CNTN5: variants seen among roughly 807,000 people sequenced by gnomAD.
CNTN5 encodes the protein contactin-5.
A neutral mutation model predicts 129.1 loss-of-function variants in CNTN5; 77 were observed. The ratio of observed to expected loss-of-function variants is 0.60; its 90% CI spans 0.50 to 0.72. The LOEUF (loss-of-function observed/expected upper bound fraction) is 0.72. Ranked by LOEUF, CNTN5 falls within the 30% of genes least tolerant of loss-of-function variation. The pLI, the probability that CNTN5 is intolerant of heterozygous loss-of-function variation, is 0.00. For missense variants in CNTN5, 1,478 were observed against 1,328.8 expected (o/e 1.11, Z -1.75); for synonymous variants, 509 against 465.6 (o/e 1.09, Z -1.20).
chr11:100,185,523 T>G (rs1948273330), intron 13 of CNTN5, among the ~76,000 whole-genome samples: 1 of 152,082 alleles, frequency 6.6e-6, no homozygotes, highest in South Asian at 2.1e-4. Flanking sequence ...AAGTACACAA[T>G]ACATTAAGGG....
chr11:100,338,037 G>C (rs1233924643), intron 21 of CNTN5, among the ~76,000 whole-genome samples: 1 of 152,052 alleles, frequency 6.6e-6, no homozygotes, highest in Admixed American at 6.6e-5. Flanking sequence ...CCAATAACAC[G>C]CTCCATATAA....
intron 2 of CNTN5, among the ~76,000 whole-genome samples, chr11:99,421,990 G>A (rs992379543): frequency 1.4e-4 from 21 of 152,248 alleles, no homozygotes; most frequent in South Asian, 4.1e-4. Context: ...GTCTATTCAG[G>A]TGTGTTCAAT....
At chr11:99,399,590 G>C (rs1272748770) in intron 2 of CNTN5, among the ~76,000 whole-genome samples, 2 of 111,152 alleles carry the variant, frequency 1.8e-5, no homozygotes, top group African/African-American at 6.8e-5. Flanking sequence ...ATATGCAATG[G>C]TATATAAGGC....
intron 2 of CNTN5, among the ~76,000 whole-genome samples, chr11:99,519,350 TCC>T (rs1947184623): frequency 2.0e-5 from 3 of 152,090 alleles, no homozygotes; most frequent in Non-Finnish European, 4.4e-5. Flanking sequence ...CATGCTGCTA[TCC>T]TTACAGTTTG....
intron 2 of CNTN5, among the ~76,000 whole-genome samples, chr11:99,481,102 TAAA>T (rs1043295082): frequency 6.7e-6 from 1 of 149,870 alleles, no homozygotes; most frequent in African/African-American, 2.4e-5. Context: ...GATTGGCATT[TAAA>T]AAAAAAAGAA....
At chr11:99,635,508 C>T (rs780453715) in intron 3 of CNTN5, among the ~76,000 whole-genome samples, 2 of 151,922 alleles carry the variant, frequency 1.3e-5, no homozygotes, top group Non-Finnish European at 2.9e-5. Flanking sequence ...ATTGAGCCTA[C>T]TACATATGAC....
At chr11:99,225,657 G>A (rs1029519352) in intron 1 of CNTN5, among the ~76,000 whole-genome samples, 2 of 152,100 alleles carry the variant, frequency 1.3e-5, no homozygotes, top group African/African-American at 4.8e-5. Flanking sequence ...ATCATACAGT[G>A]TTGATGTGGT....
intron 2 of CNTN5, among the ~76,000 whole-genome samples, chr11:99,349,809 A>G (rs1938163223): frequency 1.3e-5 from 2 of 152,206 alleles, no homozygotes; most frequent in Non-Finnish European, 2.9e-5. Flanking sequence ...TGATAAAACA[A>G]GGATACATCT....
chr11:99,798,618 G>T (rs1946021777), intron 3 of CNTN5, among the ~76,000 whole-genome samples: 1 of 152,058 alleles, frequency 6.6e-6, no homozygotes, highest in South Asian at 2.1e-4. Flanking sequence ...CTGTTCCATT[G>T]ATTTGTGTGT....
intron 15 of CNTN5, among the ~76,000 whole-genome samples, chr11:100,222,791 A>G (rs1177965659): frequency 6.6e-6 from 1 of 152,090 alleles, no homozygotes; most frequent in African/African-American, 2.4e-5. Context: ...CATAGGTCCT[A>G]TTCTGGGCCT....
At chr11:100,075,802 A>T (rs1262574076) in intron 13 of CNTN5, among the ~76,000 whole-genome samples, 2 of 152,088 alleles carry the variant, frequency 1.3e-5, no homozygotes, top group Non-Finnish European at 2.9e-5. Context: ...TGGGGGAGAG[A>T]ATTCTGGTTT....
intron 6 of CNTN5, among the ~76,000 whole-genome samples, chr11:99,870,294 GA>G (rs950458737): frequency 1.3e-5 from 2 of 151,828 alleles, no homozygotes; most frequent in Admixed American, 6.6e-5. Flanking sequence ...TTTGTCCAAG[GA>G]AAAAACAATG....
chr11:99,250,839 A>G (rs1200734282), intron 1 of CNTN5, among the ~76,000 whole-genome samples: 1 of 151,892 alleles, frequency 6.6e-6, no homozygotes, highest in Non-Finnish European at 1.5e-5. Context: ...ATTCTGTAGA[A>G]CAATTAATTT....
intron 2 of CNTN5, among the ~76,000 whole-genome samples, chr11:99,507,302 G>A (rs1354155120): frequency 4.0e-5 from 6 of 150,562 alleles, no homozygotes; most frequent in East Asian, 3.9e-4. Flanking sequence ...GCTTGAACCC[G>A]GGAGGCAGAA....
At chr11:100,309,560 A>T (rs1951428091) in intron 21 of CNTN5, 1 of 981,852 alleles carries the variant, frequency 1.0e-6, no homozygotes, top group African/African-American at 1.8e-5. Context: ...TCTCATTATG[A>T]TTGCATGTTT....
chr11:99,999,225 T>TA (rs1479717836), intron 8 of CNTN5, among the ~76,000 whole-genome samples: 5 of 151,858 alleles, frequency 3.3e-5, no homozygotes, highest in African/African-American at 1.2e-4. Flanking sequence ...AGGCAACCAA[T>TA]AAAATGGGAG....
intron 2 of CNTN5, among the ~76,000 whole-genome samples, chr11:99,478,038 T>C (rs976284793): frequency 6.6e-6 from 1 of 152,174 alleles, no homozygotes; most frequent in Non-Finnish European, 1.5e-5. Context: ...CTTTTTTAAC[T>C]AATGAGTATT....
intron 2 of CNTN5, among the ~76,000 whole-genome samples, chr11:99,526,531 G>A (rs1456560957): frequency 1.3e-5 from 2 of 152,202 alleles, no homozygotes; most frequent in African/African-American, 4.8e-5. Context: ...CGTTGACAGT[G>A]ATGCATTGAT....
intron 1 of CNTN5, among the ~76,000 whole-genome samples, chr11:99,212,243 G>A (rs537137357): frequency 6.6e-6 from 1 of 152,112 alleles, no homozygotes; most frequent in Non-Finnish European, 1.5e-5. Context: ...AACTTATACA[G>A]AGTGCCTATG....
Sources: gnomAD v4.1 joint callset for allele counts (sites outside exome capture counted in the v4.1 genomes callset) on GRCh38, gnomAD v4.1.1 for gene constraint, MANE v1.5 for transcripts, NCBI Gene and HGNC (gene_info 2026-07-23, HGNC 2026-07-21) for gene names.